Variants in INPP4B observed in about 807,000 individuals in gnomAD.
INPP4B encodes the protein inositol polyphosphate 4-phosphatase type II.
INPP4B carries 55 observed loss-of-function variants against 122.5 expected under a neutral mutation model. That is an observed-to-expected ratio of 0.45 (90% confidence interval 0.36 to 0.56). The LOEUF (loss-of-function observed/expected upper bound fraction) is 0.56. Among genes scored for constraint, INPP4B ranks in the 20% least tolerant of loss-of-function variants. INPP4B has a pLI of 0.00. For synonymous variants in INPP4B, 403 were observed against 388.7 expected, an observed-to-expected ratio of 1.04 and a Z score of -0.43; for missense variants, 1,000 against 1,097.7, an observed-to-expected ratio of 0.91 and a Z score of 1.26.
At chr4:142,358,022 A>C (rs569730546) in intron 7 of INPP4B, among the ~76,000 whole-genome samples, 1 of 152,152 alleles carries the variant, frequency 6.6e-6, no homozygotes, top group South Asian at 2.1e-4. Context: ...AAAATGTTAC[A>C]ATTAATAGTA....
intron 2 of INPP4B, among the ~76,000 whole-genome samples, chr4:142,558,772 G>C (rs1435871865): frequency 7.8e-6 from 1 of 128,224 alleles, no homozygotes; most frequent in Non-Finnish European, 1.6e-5. Context: ...TACAGCCTGG[G>C]CGACAGAGCA....
chr4:142,742,906 GAGA>G (rs1164780697), intron 1 of INPP4B, among the ~76,000 whole-genome samples: 2 of 151,962 alleles, frequency 1.3e-5, no homozygotes, highest in South Asian at 2.1e-4. Flanking sequence ...TTGCAATACT[GAGA>G]AGGAGACGAG....
chr4:142,781,365 C>T (rs2151027922), intron 1 of INPP4B, among the ~76,000 whole-genome samples: 1 of 152,328 alleles, frequency 6.6e-6, no homozygotes, highest in South Asian at 2.1e-4. Context: ...CCCCACATCC[C>T]ACTGGTTGTA....
intron 1 of INPP4B, among the ~76,000 whole-genome samples, chr4:142,754,460 C>T (rs964453304): frequency 3.3e-5 from 5 of 151,924 alleles, no homozygotes; most frequent in African/African-American, 7.2e-5. Flanking sequence ...TCCCTGCCTA[C>T]GCCAATATTC....
At chr4:142,285,186 G>A (rs558435999) in intron 9 of INPP4B, among the ~76,000 whole-genome samples, 108 of 151,900 alleles carry the variant, frequency 7.1e-4, no homozygotes, top group Non-Finnish European at 1.4e-3. Context: ...ATGAGATCTC[G>A]GAGATGACAA....
chr4:142,720,049 T>C (rs7666140), intron 2 of INPP4B, among the ~76,000 whole-genome samples: 112,175 of 152,052 alleles, frequency 0.74, 41,516 homozygotes, highest in East Asian at 0.84. Flanking sequence ...TTTAGAGCTC[T>C]GGCATCAGGT....
chr4:142,254,538 C>T (rs1476329067), intron 11 of INPP4B, among the ~76,000 whole-genome samples: 1 of 151,994 alleles, frequency 6.6e-6, no homozygotes, highest in African/African-American at 2.4e-5. Flanking sequence ...AGCCAAGGCT[C>T]GAGAACTCTG....
At chr4:142,710,807 T>C (rs1763029768) in intron 2 of INPP4B, among the ~76,000 whole-genome samples, 2 of 152,242 alleles carry the variant, frequency 1.3e-5, no homozygotes, top group African/African-American at 4.8e-5. Flanking sequence ...ACATTCATAG[T>C]TGAATTCTCT....
At chr4:142,669,317 C>G (rs968121702) in intron 2 of INPP4B, among the ~76,000 whole-genome samples, 1 of 151,918 alleles carries the variant, frequency 6.6e-6, no homozygotes, top group Non-Finnish European at 1.5e-5. Flanking sequence ...AACATAATCC[C>G]AAAATTCATA....
chr4:142,337,158 A>AT (rs1197937320), intron 7 of INPP4B, among the ~76,000 whole-genome samples: 1 of 151,820 alleles, frequency 6.6e-6, no homozygotes. Flanking sequence ...AAGTACATTT[A>AT]TTTTCATTGT....
At chr4:142,774,374 A>C (rs1361641299) in intron 1 of INPP4B, among the ~76,000 whole-genome samples, 1 of 152,086 alleles carries the variant, frequency 6.6e-6, no homozygotes, top group Non-Finnish European at 1.5e-5. Flanking sequence ...GTAGTGCTGC[A>C]ATCCTCTCCA....
chr4:142,672,457 T>C (rs1757147465), intron 2 of INPP4B, among the ~76,000 whole-genome samples: 1 of 152,116 alleles, frequency 6.6e-6, no homozygotes, highest in South Asian at 2.1e-4. Context: ...CAGACATTAG[T>C]TGATTTAGTA....
In INPP4B at chr4:142,301,022, T is replaced by A. The variant is rs532146433; in HGVS notation, c.503+4436A>T. On this transcript the variant is annotated intron_variant, in intron 9 of 25. Transcript: ENST00000262992. ...AGTCCTCGTTAAGATGAGCTGAAAGTTTCTGTGACAAGGTAAAGTGCCCTG... is the reference window on the plus strand; with the variant it reads ...AGTCCTCGTTAAGATGAGCTGAAAGATTCTGTGACAAGGTAAAGTGCCCTG... Among the ~76,000 whole-genome samples, 216 of 152,302 alleles carry A rather than the reference T, an allele frequency of 1.4e-3. 1 individual carries two copies. Among genetic ancestry groups the A allele is most frequent in the Non-Finnish European group, 2.3e-3 (157 of 68,006 alleles).
At chr4:142,246,503 G>A (rs939237420) in intron 11 of INPP4B, among the ~76,000 whole-genome samples, 5 of 152,044 alleles carry the variant, frequency 3.3e-5, no homozygotes, top group South Asian at 2.1e-4. Context: ...CCTTGCAGAG[G>A]TCCTTCATAT....
chr4:142,049,141 T>C (rs1255701840), intron 25 of INPP4B, among the ~76,000 whole-genome samples: 1 of 151,976 alleles, frequency 6.6e-6, no homozygotes, highest in East Asian at 1.9e-4. Flanking sequence ...AAAGCATTTT[T>C]ACAGTAATTA....
intron 2 of INPP4B, among the ~76,000 whole-genome samples, chr4:142,702,730 CAAAAAAAAAA>C (rs35472471): frequency 3.1e-5 from 2 of 64,326 alleles, no homozygotes; most frequent in Non-Finnish European, 2.9e-5. Context: ...AACTCCGTCT[CAAAAAAAAAA>C]AAAAAAAAAA....
intron 1 of INPP4B, among the ~76,000 whole-genome samples, chr4:142,838,035 T>C (rs1309885428): frequency 6.7e-6 from 1 of 148,770 alleles, no homozygotes; most frequent in Admixed American, 6.8e-5. Context: ...AAAGTGGTGT[T>C]TTTTTTTTTT....
intron 12 of INPP4B, among the ~76,000 whole-genome samples, chr4:142,232,492 GGTGAACTTA>G (rs1186946428): frequency 6.6e-6 from 1 of 151,880 alleles, no homozygotes; most frequent in African/African-American, 2.4e-5. Flanking sequence ...CCTAAAAGAC[GGTGAACTTA>G]GTCAATAAAT....
chr4:142,742,084 G>C, intron 1 of INPP4B, among the ~76,000 whole-genome samples: 1 of 151,906 alleles, frequency 6.6e-6, no homozygotes, highest in East Asian at 1.9e-4. Flanking sequence ...TGAAATAACA[G>C]ATTGACTCTT....
Sources: allele counts gnomAD v4.1 joint callset (sites outside exome capture counted in the v4.1 genomes callset), GRCh38; gene constraint gnomAD v4.1.1; transcripts MANE v1.5; gene names NCBI Gene and HGNC (gene_info 2026-07-23, HGNC 2026-07-21).